Variants in ZNF730 observed in about 807,000 individuals in gnomAD.
ZNF730 encodes putative zinc finger protein 730.
In ZNF730, 12 loss-of-function variants were observed where a neutral mutation model predicts 12.6. The ratio of observed to expected loss-of-function variants is 0.95; its 90% CI spans 0.61 to 1.54. ZNF730 has a LOEUF of 1.54. Among genes scored for constraint, ZNF730 ranks in the 40% most tolerant of loss-of-function variants. The probability of loss-of-function intolerance (pLI) is 0.00; values close to 1 mark genes in which losing one functional copy is unlikely to be tolerated. For synonymous variants in ZNF730, 194 were observed against 195.8 expected, an observed-to-expected ratio of 0.99 and a Z score of 0.08; for missense variants, 643 against 583.5, an observed-to-expected ratio of 1.10 and a Z score of -1.05.
chr19:23,139,250 T>G (rs1242904774), intron 3 of ZNF730, among the ~76,000 whole-genome samples: 1 of 152,206 alleles, frequency 6.6e-6, no homozygotes, highest in Non-Finnish European at 1.5e-5. Context: ...TTTTCTTTAT[T>G]TAGCATTGTA....
intron 2 of ZNF730, among the ~76,000 whole-genome samples, chr19:23,135,134 C>T: frequency 8.0e-6 from 1 of 125,748 alleles, no homozygotes; most frequent in African/African-American, 3.0e-5. Flanking sequence ...GACCTTTGTT[C>T]ACTTGTTTAT....
intron 3 of ZNF730, among the ~76,000 whole-genome samples, chr19:23,140,164 G>T (rs1970894057): frequency 6.6e-6 from 1 of 150,814 alleles, no homozygotes; most frequent in Admixed American, 6.6e-5. Context: ...GATTTTCCAT[G>T]GTGTTTTTTT....
chr19:23,124,120 G>T (rs1240395742), intron 1 of ZNF730: 1 of 152,160 alleles, frequency 6.6e-6, no homozygotes, highest in African/African-American at 2.4e-5. Context: ...GTGGCATTGG[G>T]GTTCATGTAA....
chr19:23,079,827 CTAAG>C (rs1209186282), intron 1 of ZNF730, among the ~76,000 whole-genome samples: 7 of 152,144 alleles, frequency 4.6e-5, no homozygotes, highest in Non-Finnish European at 7.3e-5. Flanking sequence ...ATGACTTTGA[CTAAG>C]TATTCTATGT....
At chr19:23,127,775 A>C in intron 1 of ZNF730, 1 of 826,444 alleles carries the variant, frequency 1.2e-6, no homozygotes, top group South Asian at 1.4e-5. Context: ...AGTTAGGGCC[A>C]TCGTCCAGGT....
chr19:23,079,526 A>AAT (rs1969929328), intron 1 of ZNF730, among the ~76,000 whole-genome samples: 1 of 152,196 alleles, frequency 6.6e-6, no homozygotes, highest in Non-Finnish European at 1.5e-5. Context: ...TTATAGTTTG[A>AAT]ATATATATAA....
In ZNF730 at chr19:23,146,609, A is replaced by G; in HGVS notation, c.*53A>G. 1.9e-6 allele frequency: 3 copies of G among 1,585,818 alleles called. No homozygotes were observed. Among genetic ancestry groups the G allele is most frequent in the South Asian group, 2.2e-5 (2 of 90,340 alleles). On this transcript the variant is annotated 3_prime_UTR_variant, in exon 4 of 4. Coordinates refer to ENST00000597761, the MANE Select transcript of ZNF730 (RefSeq NM_001277403.2). ...AAACAATCTTTATACCTTACTACAC[A>G]TAAGATAATTCATACTGAAGAGAAA...
intron 3 of ZNF730, among the ~76,000 whole-genome samples, chr19:23,141,963 C>T (rs1363704472): frequency 2.6e-5 from 4 of 151,660 alleles, no homozygotes; most frequent in Non-Finnish European, 5.9e-5. Context: ...AATTATATTG[C>T]TCTCTATGTG....
intron 1 of ZNF730, among the ~76,000 whole-genome samples, chr19:23,132,903 A>ATAAAACTGATGTTTCT (rs1251992919): frequency 1.3e-5 from 2 of 152,234 alleles, no homozygotes; most frequent in Non-Finnish European, 2.9e-5. Context: ...TGAACTTTGC[A>ATAAAACTGATGTTTCT]TAAAACTGAT....
At chr19:23,102,824 A>C (rs934918370) in intron 1 of ZNF730, among the ~76,000 whole-genome samples, 1 of 152,126 alleles carries the variant, frequency 6.6e-6, no homozygotes, top group Non-Finnish European at 1.5e-5. Context: ...CTCATACCTC[A>C]AACCAGCCAA....
upstream of ZNF730, among the ~76,000 whole-genome samples, chr19:23,113,667 T>C (rs1467546124): frequency 6.6e-6 from 1 of 152,198 alleles, no homozygotes. Context: ...GTTTTTCTTC[T>C]GTAAACAGCA....
At chr19:23,094,478 C>T (rs1970217798) in intron 1 of ZNF730, among the ~76,000 whole-genome samples, 1 of 151,024 alleles carries the variant, frequency 6.6e-6, no homozygotes, top group South Asian at 2.1e-4. Context: ...AATAAGTTTT[C>T]ATTTATTTAT....
intron 1 of ZNF730, among the ~76,000 whole-genome samples, chr19:23,102,794 C>T (rs893290976): frequency 6.6e-6 from 1 of 152,170 alleles, no homozygotes; most frequent in African/African-American, 2.4e-5. Flanking sequence ...CCGTGCCCGG[C>T]CACAAGTGTG....
intron 1 of ZNF730, among the ~76,000 whole-genome samples, chr19:23,085,836 C>CTT (rs556123915): frequency 0.014 from 752 of 54,862 alleles, 171 homozygotes; most frequent in South Asian, 0.024. Flanking sequence ...ATTTTTTTTT[C>CTT]TTTTTTTTTT....
intron 3 of ZNF730, among the ~76,000 whole-genome samples, chr19:23,140,527 C>G (rs1970900371): frequency 6.7e-6 from 1 of 150,048 alleles, no homozygotes; most frequent in Non-Finnish European, 1.5e-5. Context: ...AGGAGAATTG[C>G]TTTAACCCAG....
chr19:23,119,035 T>C (rs989656802), intron 1 of ZNF730, among the ~76,000 whole-genome samples: 3 of 152,228 alleles, frequency 2.0e-5, no homozygotes, highest in African/African-American at 7.2e-5. Flanking sequence ...GGATGTGTTT[T>C]ATTTCTTTCT....
intron 1 of ZNF730, among the ~76,000 whole-genome samples, chr19:23,132,126 C>A (rs1286714722): frequency 6.6e-6 from 1 of 152,122 alleles, no homozygotes; most frequent in Non-Finnish European, 1.5e-5. Context: ...GTTCCTCAAT[C>A]TCTTCTGTTA....
chr19:23,112,987 G>C (rs544649674), upstream of ZNF730, among the ~76,000 whole-genome samples: 2 of 152,282 alleles, frequency 1.3e-5, no homozygotes, highest in East Asian at 3.9e-4. Flanking sequence ...CCCTATCATA[G>C]GGCTTTATAG....
In ZNF730 at chr19:23,107,020, G is replaced by A. The variant is rs556841358; in HGVS notation, c.-93-27060G>A. Among the ~76,000 whole-genome samples the A allele has an allele frequency of 5.9e-5, 9 of 151,500 alleles. No homozygotes were observed. The South Asian group carries it at 1.7e-3, about 28-fold the overall frequency. ...AACTTGAAAAATGTTAGCATCAAAG[G>A]GAGAATTTTAGAATAAATGATGTGA... On this transcript the variant is annotated intron_variant, in intron 1 of 2. Transcript: ENST00000593635.
Sources: allele counts gnomAD v4.1 joint callset (sites outside exome capture counted in the v4.1 genomes callset), GRCh38; gene constraint gnomAD v4.1.1; transcripts MANE v1.5; gene names NCBI Gene and HGNC (gene_info 2026-07-23, HGNC 2026-07-21).